The following SPATA17 variants were observed in gnomAD, a reference collection of about 807,000 sequenced individuals.
SPATA17 encodes spermatogenesis associated 17.
A neutral mutation model predicts 62.2 loss-of-function variants in SPATA17; 53 were observed. The observed-to-expected ratio is 0.85, with a 90% CI of 0.68 to 1.07. SPATA17 has a LOEUF of 1.07. Ranked by LOEUF, SPATA17 falls within the 50% of genes least tolerant of loss-of-function variation. The pLI, the probability that SPATA17 is intolerant of heterozygous loss-of-function variation, is 0.00. For synonymous variants in SPATA17, 146 were observed against 146.8 expected (o/e 0.99, Z 0.04); for missense variants, 466 against 425.5 (o/e 1.10, Z -0.84).
At chr1:217,689,735 G>A (rs1671303144) in intron 5 of SPATA17, among the ~76,000 whole-genome samples, 1 of 151,830 alleles carries the variant, frequency 6.6e-6, no homozygotes. Flanking sequence ...TCTATTTCTT[G>A]TCCTGATGGC....
At chr1:217,646,361 A>G (rs1003697869) in intron 1 of SPATA17, among the ~76,000 whole-genome samples, 5 of 152,202 alleles carry the variant, frequency 3.3e-5, no homozygotes, top group African/African-American at 1.2e-4. Flanking sequence ...AACACTTGGT[A>G]TAGTCTGAAA....
At chr1:217,757,545 CCTT>C (rs1673078096) in intron 6 of SPATA17, among the ~76,000 whole-genome samples, 1 of 152,248 alleles carries the variant, frequency 6.6e-6, no homozygotes, top group South Asian at 2.1e-4. Context: ...CAAACCCACT[CCTT>C]CTTCCTTGAC....
chr1:217,747,195 A>G (rs1672779907), intron 6 of SPATA17, among the ~76,000 whole-genome samples: 2 of 152,140 alleles, frequency 1.3e-5, no homozygotes, highest in Non-Finnish European at 2.9e-5. Context: ...AAGATTGATT[A>G]TTTAATAAAG....
chr1:217,744,270 G>A (rs1353711438), intron 6 of SPATA17, among the ~76,000 whole-genome samples: 2 of 51,004 alleles, frequency 3.9e-5, no homozygotes, highest in Non-Finnish European at 1.4e-4. Flanking sequence ...AGACCATCCC[G>A]GCTAAAACGG....
chr1:217,770,995 T>A (rs1197779779), intron 6 of SPATA17, among the ~76,000 whole-genome samples: 1 of 130,564 alleles, frequency 7.7e-6, no homozygotes, highest in African/African-American at 2.9e-5. Context: ...TTTTTTTTTT[T>A]TTTTTTTTTT....
At chr1:217,715,827 T>C (rs1671990565) in intron 5 of SPATA17, among the ~76,000 whole-genome samples, 1 of 152,208 alleles carries the variant, frequency 6.6e-6, no homozygotes, top group Non-Finnish European at 1.5e-5. Context: ...CCAGTGATGA[T>C]CATCAGAATC....
At chr1:217,643,809 A>G (rs1670124200) in intron 1 of SPATA17, among the ~76,000 whole-genome samples, 1 of 151,730 alleles carries the variant, frequency 6.6e-6, no homozygotes, top group African/African-American at 2.4e-5. Context: ...GCTCACTGCA[A>G]CTTCTGCTTC....
Position 217,648,835 on chromosome 1 carries a change from AATTAT to A in SPATA17, c.69-42_69-38del, listed in dbSNP as rs769251999. 4.9e-6 allele frequency: 6 copies of A among 1,219,878 alleles called. No homozygotes were observed. The South Asian group carries it at 8.6e-5, about 17-fold the overall frequency. The allele number at this position is 1,219,878 out of a possible 1,614,324, so 75.6% of individuals were successfully genotyped here. ...AGTTTAACAGGTTGACTTGCTTTAGAATTATATTAGTTACTAATGAAGTGCTTTTT... is the reference window on the plus strand; with the variant it reads ...AGTTTAACAGGTTGACTTGCTTTAGAATTAGTTACTAATGAAGTGCTTTTT... On this transcript the variant is annotated intron_variant, in intron 1 of 10. Coordinates refer to ENST00000366933, the MANE Select transcript of SPATA17 (RefSeq NM_138796.4).
chr1:217,707,191 T>C (rs553887689), intron 5 of SPATA17, among the ~76,000 whole-genome samples: 23 of 152,272 alleles, frequency 1.5e-4, no homozygotes, highest in Admixed American at 3.3e-4. Flanking sequence ...TTGTGGCTAT[T>C]GTTAATGGCA....
At position 217,663,948 on chromosome 1, in the gene SPATA17, G is replaced by A. The variant is rs183631723; in HGVS notation, c.241-5085G>A. 5.6e-4 allele frequency among the ~76,000 whole-genome samples: 85 copies of A among 152,072 alleles called. 1 individual carries two copies. The highest frequency in any genetic ancestry group is 2.4e-4 in the Non-Finnish European group (16 of 68,012). On this transcript the variant is annotated intron_variant, in intron 3 of 10. Coordinates refer to ENST00000366933, the MANE Select transcript of SPATA17 (RefSeq NM_138796.4). ...TATTGTATATTGTACATGAAAATAT[G>A]CGAAGAAGGATTTTAAAACTGAGGA...
chr1:217,803,363 A>G (rs1326931908), intron 9 of SPATA17, among the ~76,000 whole-genome samples: 2 of 152,204 alleles, frequency 1.3e-5, no homozygotes, highest in Non-Finnish European at 2.9e-5. Flanking sequence ...TAAAAACCCT[A>G]AAGACTCCAC....
intron 8 of SPATA17, among the ~76,000 whole-genome samples, chr1:217,793,469 C>T (rs1410706391): frequency 6.6e-6 from 1 of 152,058 alleles, no homozygotes; most frequent in Non-Finnish European, 1.5e-5. Context: ...ATCCGCCCGC[C>T]TCGGCCTCCC....
chr1:217,677,707 C>G (rs1670980539), intron 4 of SPATA17, among the ~76,000 whole-genome samples: 1 of 152,106 alleles, frequency 6.6e-6, no homozygotes, highest in Non-Finnish European at 1.5e-5. Context: ...CTTCCTCCCT[C>G]CTTCTACTTC....
At chr1:217,818,196 A>G (rs188333759) in intron 9 of SPATA17, among the ~76,000 whole-genome samples, 276 of 152,180 alleles carry the variant, frequency 1.8e-3, no homozygotes, top group African/African-American at 6.5e-3. Flanking sequence ...ACCCAGACAC[A>G]TACAGAAAGT....
chr1:217,635,687 G>A (rs1669919854), intron 1 of SPATA17, among the ~76,000 whole-genome samples: 1 of 151,118 alleles, frequency 6.6e-6, no homozygotes, highest in African/African-American at 2.4e-5. Context: ...CTGGGCAACA[G>A]AGCAAGACTC....
intron 1 of SPATA17, among the ~76,000 whole-genome samples, chr1:217,639,226 T>C (rs1164675781): frequency 2.6e-5 from 4 of 152,130 alleles, no homozygotes; most frequent in South Asian, 4.1e-4. Context: ...ATAAAAATAG[T>C]TATTTGCCAA....
chr1:217,646,849 A>G (rs1043940268), intron 1 of SPATA17, among the ~76,000 whole-genome samples: 1 of 152,010 alleles, frequency 6.6e-6, no homozygotes, highest in African/African-American at 2.4e-5. Context: ...AGCCGAGATC[A>G]CACCACTGCA....
intron 9 of SPATA17, among the ~76,000 whole-genome samples, chr1:217,846,741 A>T (rs11811226): frequency 0.38 from 57,838 of 151,792 alleles, 11,719 homozygotes; most frequent in Non-Finnish European, 0.45. Flanking sequence ...ATTACTTTTA[A>T]GTTTTTATAA....
chr1:217,800,103 T>C (rs1674266969), intron 8 of SPATA17, among the ~76,000 whole-genome samples: 1 of 152,184 alleles, frequency 6.6e-6, no homozygotes. Context: ...ATTCCTTATG[T>C]TTGGATTTCT....
Sources: allele counts gnomAD v4.1 joint callset (sites outside exome capture counted in the v4.1 genomes callset), GRCh38; gene constraint gnomAD v4.1.1; transcripts MANE v1.5; gene names NCBI Gene and HGNC (gene_info 2026-07-23, HGNC 2026-07-21).